Variants in IQSEC1 observed in about 807,000 individuals in gnomAD.
IQSEC1 encodes the protein IQ motif and Sec7 domain ArfGEF 1.
Under a neutral mutation model 91.0 loss-of-function variants are expected in IQSEC1, and 31 were observed. The ratio of observed to expected loss-of-function variants is 0.34; its 90% CI spans 0.26 to 0.46. The LOEUF (loss-of-function observed/expected upper bound fraction) is 0.46. IQSEC1 is among the 20% of genes least tolerant of loss of function. The pLI is 1.00. For missense variants in IQSEC1, 1,388 were observed against 1,575.6 expected (o/e 0.88, Z 2.02); for synonymous variants, 699 against 662.6 (o/e 1.05, Z -0.84).
intron 6 of IQSEC1, among the ~76,000 whole-genome samples, chr3:12,916,680 C>T (rs1175596913): frequency 6.6e-6 from 1 of 152,204 alleles, no homozygotes; most frequent in Non-Finnish European, 1.5e-5. Flanking sequence ...GAACTTATCC[C>T]ATGGGAAATG....
chr3:12,941,567 C>A lies in IQSEC1; in HGVS notation c.318+4G>T. On this transcript the variant is annotated splice_donor_region_variant and intron_variant, in intron 2 of 13. Transcript: ENST00000613206. ...GTGTGGCCTGAGGGGCTGTGCTCTC[C>A]TACCTGCTTGTCCTGCAGGTCCGAG... The A allele has an allele frequency of 6.4e-7, 1 of 1,561,826 alleles. No individual in the cohort carries two copies. The highest frequency in any genetic ancestry group is 8.7e-7 in the Non-Finnish European group (1 of 1,148,396).
chr3:13,014,948 C>A (rs1221285510), intron 1 of IQSEC1, among the ~76,000 whole-genome samples: 1 of 152,074 alleles, frequency 6.6e-6, no homozygotes, highest in East Asian at 1.9e-4. Flanking sequence ...GAGCCTGGGG[C>A]AGGGAAGACT....
rs145903276 is a variant in IQSEC1 at position 12,915,652 on chromosome 3, T to C, written c.2102A>G (p.Asn701Ser). ...CTGCACCTGGGACACATGGTCCTCA[T>C]TGGTCTTTAGCTCTCGCTTACGGAT... ...ERIRKRELKT[N>S]EDHVSQVQKV... The change falls in exon 7 of 14, where the codon AAT (asparagine) becomes AGT (serine). Residue 701 changes from asparagine to serine, a missense_variant. Physicochemically the swap from Asn to Ser is conservative, Grantham distance 46. Coordinates refer to ENST00000613206, the MANE Select transcript of IQSEC1 (RefSeq NM_001134382.3). 8.1e-6 allele frequency: 13 copies of C among 1,614,048 alleles called. No homozygotes were observed. The highest frequency in any genetic ancestry group is 8.0e-5 in the African/African-American group (6 of 74,920).
At chr3:13,092,911 C>T (rs1705888683) in intron 2 of IQSEC1, among the ~76,000 whole-genome samples, 1 of 152,098 alleles carries the variant, frequency 6.6e-6, no homozygotes, top group South Asian at 2.1e-4. Flanking sequence ...TTCCCTCTGC[C>T]GCGAGCACTC....
At chr3:12,914,169 C>A (rs931630802) in intron 8 of IQSEC1, among the ~76,000 whole-genome samples, 1 of 152,238 alleles carries the variant, frequency 6.6e-6, no homozygotes, top group Non-Finnish European at 1.5e-5. Context: ...GTGGCACTTG[C>A]CCTGGACCCG....
At chr3:12,980,428 C>G (rs766641344) in intron 1 of IQSEC1, among the ~76,000 whole-genome samples, 16 of 152,224 alleles carry the variant, frequency 1.1e-4, no homozygotes, top group Non-Finnish European at 1.9e-4. Flanking sequence ...GAGCATCCCT[C>G]ATGCAACACA....
At chr3:12,956,680 T>C (rs2600328) in intron 1 of IQSEC1, among the ~76,000 whole-genome samples, 78,618 of 152,144 alleles carry the variant, frequency 0.52, 20,908 homozygotes, top group African/African-American at 0.55. Context: ...CAGCCCCCTC[T>C]GTCCACCTGT....
chr3:12,909,358 G>C lies in IQSEC1; in HGVS notation c.2493C>G (p.Pro831=). 1 of 1,614,216 alleles carries C rather than the reference G, an allele frequency of 6.2e-7. No individual in the cohort carries two copies. The highest frequency in any genetic ancestry group is 8.5e-7 in the Non-Finnish European group (1 of 1,180,022). The change falls in exon 11 of 14, where the codon CCC becomes CCG. Residue 831 remains proline, a synonymous_variant. Transcript: ENST00000613206. The surrounding 1 kb of genome is among the most constrained non-coding windows in gnomAD (Gnocchi z 4.9). ...TGAATTTCTTCCGGTCTTGAGGGTT[G>C]GGGGCGTTGAAGTTTATTAACACTT... ...DIKVLINFNA[P]NPQDRKKFTD...
chr3:13,122,926 G>GAC (rs571199562), intron 2 of IQSEC1, among the ~76,000 whole-genome samples: 3 of 152,174 alleles, frequency 2.0e-5, no homozygotes, highest in Admixed American at 6.5e-5. Context: ...ACGCTCCCAG[G>GAC]ACACAGGCTG....
intron 1 of IQSEC1, among the ~76,000 whole-genome samples, chr3:13,029,153 G>A (rs113970816): frequency 1.6e-4 from 24 of 152,318 alleles, no homozygotes; most frequent in South Asian, 4.1e-4. Flanking sequence ...GGCTATGGCC[G>A]TCTTTAAAAC....
rs143835637 is a variant in IQSEC1, at chr3:12,936,398, G to A, written c.618C>T (p.Pro206=). 1.3e-6 allele frequency: 2 copies of A among 1,594,292 alleles called. No homozygotes were observed. Among genetic ancestry groups the A allele is most frequent in the Admixed American group, 1.7e-5 (1 of 58,986 alleles). The change falls in exon 3 of 14, where the codon CCC becomes CCT. Residue 206 remains proline, a synonymous_variant. Coordinates refer to ENST00000613206, the MANE Select transcript of IQSEC1 (RefSeq NM_001134382.3). ...AGGGGGCCGGAGACTTGAGGGTGGTGGGCTCGCTGAGGTCACCACACTCAG... is the reference window on the plus strand; with the variant it reads ...AGGGGGCCGGAGACTTGAGGGTGGTAGGCTCGCTGAGGTCACCACACTCAG... ...VSPECGDLSE[P]TTLKSPAPSS... is the part of the protein sequence containing the mutation.
At chr3:13,031,145 G>A (rs1331849732) in intron 1 of IQSEC1, among the ~76,000 whole-genome samples, 6 of 152,230 alleles carry the variant, frequency 3.9e-5, no homozygotes, top group East Asian at 1.9e-4. Context: ...AAACTGCCCC[G>A]TTTTTGTTAC....
At chr3:13,199,869 A>G (rs1694207112) in intron 1 of IQSEC1, among the ~76,000 whole-genome samples, 1 of 151,762 alleles carries the variant, frequency 6.6e-6, no homozygotes, top group Non-Finnish European at 1.5e-5. Flanking sequence ...CACCACACAC[A>G]TATGCCACAC....
intron 2 of IQSEC1, among the ~76,000 whole-genome samples, chr3:13,145,939 G>A (rs1706888470): frequency 6.6e-6 from 1 of 152,128 alleles, no homozygotes; most frequent in African/African-American, 2.4e-5. Flanking sequence ...TGGTATGGGT[G>A]CATGAGCAGG....
intron 12 of IQSEC1, among the ~76,000 whole-genome samples, chr3:12,905,856 T>C (rs1186106601): frequency 6.6e-6 from 1 of 152,124 alleles, no homozygotes; most frequent in African/African-American, 2.4e-5. Context: ...TCAGTGTCCA[T>C]CACCACTTGG....
chr3:12,922,989 A>G lies in IQSEC1; in HGVS notation c.1731-747T>C, dbSNP rs1696775910. ...GGGGCAGAGAGAGGCCTGGCCACAC[A>G]GGGCCTGACCCCTCTCCCAGGGCCA... On this transcript the variant is annotated intron_variant, in intron 4 of 13. Coordinates refer to ENST00000613206, the MANE Select transcript of IQSEC1 (RefSeq NM_001134382.3). The surrounding 1 kb of genome is among the most constrained non-coding windows in gnomAD (Gnocchi z 5.1). 6.6e-6 allele frequency among the ~76,000 whole-genome samples: 1 copy of G among 152,140 alleles called. No homozygotes were observed. The highest frequency in any genetic ancestry group is 2.1e-4 in the South Asian group (1 of 4,832).
intron 1 of IQSEC1, among the ~76,000 whole-genome samples, chr3:13,227,214 A>G (rs1316415866): frequency 6.6e-6 from 1 of 151,946 alleles, no homozygotes; most frequent in Non-Finnish European, 1.5e-5. Context: ...CGTCTCTACT[A>G]AAAATACAAA....
intron 1 of IQSEC1, among the ~76,000 whole-genome samples, chr3:13,053,926 A>C (rs777439976): frequency 3.3e-5 from 5 of 152,222 alleles, no homozygotes; most frequent in Non-Finnish European, 5.9e-5. Context: ...CCCCAGTGTT[A>C]ATATTTGAGG....
At chr3:13,058,428 G>A (rs1704952078) in intron 1 of IQSEC1, among the ~76,000 whole-genome samples, 1 of 152,232 alleles carries the variant, frequency 6.6e-6, no homozygotes, top group Admixed American at 6.5e-5. Flanking sequence ...CCTGGTATAT[G>A]ACCTCTGTCC....
Sources: allele counts gnomAD v4.1 joint callset (sites outside exome capture counted in the v4.1 genomes callset), GRCh38; gene constraint gnomAD v4.1.1; non-coding constraint Gnocchi (gnomAD v3.1); transcripts MANE v1.5; gene names NCBI Gene and HGNC (gene_info 2026-07-23, HGNC 2026-07-21).